Variants in JAZF1 observed in about 807,000 individuals in gnomAD.
JAZF1 encodes the protein JAZF zinc finger 1.
In JAZF1, 8 loss-of-function variants were observed where a neutral mutation model predicts 26.4. The ratio of observed to expected loss-of-function variants is 0.30; its 90% confidence interval spans 0.18 to 0.55. JAZF1 has a LOEUF of 0.55. Ranked by LOEUF, JAZF1 falls within the 20% of genes least tolerant of loss-of-function variation. The pLI is 0.94. For synonymous variants in JAZF1, 126 were observed against 122.3 expected, an observed-to-expected ratio of 1.03 and a Z score of -0.20; for missense variants, 199 against 322.0, an observed-to-expected ratio of 0.62 and a Z score of 2.92.
At chr7:28,024,501 C>T (rs1242851692) in intron 1 of JAZF1, among the ~76,000 whole-genome samples, 3 of 152,142 alleles carry the variant, frequency 2.0e-5, no homozygotes, top group Non-Finnish European at 4.4e-5. Flanking sequence ...TACACACATA[C>T]TCATTTAGAC....
chr7:27,956,125 G>A (rs1785087324), intron 2 of JAZF1, among the ~76,000 whole-genome samples: 1 of 152,194 alleles, frequency 6.6e-6, no homozygotes, highest in Non-Finnish European at 1.5e-5. Flanking sequence ...AAGTCTGTGA[G>A]TAGGGTGTAG....
At chr7:28,031,272 G>C (rs1201892051) in intron 1 of JAZF1, among the ~76,000 whole-genome samples, 2 of 152,136 alleles carry the variant, frequency 1.3e-5, no homozygotes, top group African/African-American at 4.8e-5. Flanking sequence ...GGGAAGAAGG[G>C]GCCAGGAAGT....
At chr7:27,931,622 C>T (rs1784689447) in intron 2 of JAZF1, among the ~76,000 whole-genome samples, 1 of 152,138 alleles carries the variant, frequency 6.6e-6, no homozygotes, top group South Asian at 2.1e-4. Context: ...TTGAGACCAG[C>T]CTGGCCAATA....
intron 2 of JAZF1, among the ~76,000 whole-genome samples, chr7:27,984,686 T>A (rs1044259754): frequency 1.3e-5 from 2 of 152,188 alleles, no homozygotes; most frequent in Non-Finnish European, 2.9e-5. Flanking sequence ...ATTCCAAAAT[T>A]GACCACATAG....
At chr7:28,119,209 T>A (rs1784798421) in intron 1 of JAZF1, among the ~76,000 whole-genome samples, 1 of 152,106 alleles carries the variant, frequency 6.6e-6, no homozygotes, top group Admixed American at 6.5e-5. Flanking sequence ...ACAAACCTGA[T>A]CTCCAGCCCT....
At chr7:28,155,330 C>A (rs1049357141) in intron 1 of JAZF1, among the ~76,000 whole-genome samples, 1 of 152,196 alleles carries the variant, frequency 6.6e-6, no homozygotes. Flanking sequence ...AATAAACTAT[C>A]TTCAGTTACT....
At chr7:27,913,222 T>A (rs1338442611) in intron 2 of JAZF1, among the ~76,000 whole-genome samples, 1 of 149,756 alleles carries the variant, frequency 6.7e-6, no homozygotes, top group Non-Finnish European at 1.5e-5. Flanking sequence ...ATACATTTTT[T>A]ATATATGTAT....
At chr7:27,853,145 G>A (rs1783182024) in intron 3 of JAZF1, among the ~76,000 whole-genome samples, 3 of 152,078 alleles carry the variant, frequency 2.0e-5, no homozygotes, top group African/African-American at 7.2e-5. Context: ...CAGTTTTGGG[G>A]TATCTACTGA....
intron 2 of JAZF1, among the ~76,000 whole-genome samples, chr7:27,913,617 C>T (rs1356358290): frequency 1.3e-5 from 2 of 152,196 alleles, no homozygotes; most frequent in South Asian, 2.1e-4. Context: ...TGCTCTTACC[C>T]TCTATTCCTT....
chr7:27,926,280 C>T (rs1358547887), intron 2 of JAZF1, among the ~76,000 whole-genome samples: 1 of 152,142 alleles, frequency 6.6e-6, no homozygotes, highest in African/African-American at 2.4e-5. Context: ...ATGGTGTGAG[C>T]CATAAATGGA....
Position 27,918,000 on chromosome 7 carries a change from G to A in JAZF1, c.189-22584C>T, listed in dbSNP as rs781413620. 6.6e-5 allele frequency among the ~76,000 whole-genome samples: 10 copies of A among 152,142 alleles called. No homozygotes were observed. In the East Asian group the frequency reaches 9.6e-4, roughly 15 times the overall value. ...GACTTGATTTAGAGAATGCACAAGC[G>A]ATGATGAACTACAGTGGCACTTCCT... is the stretch of plus-strand genomic sequence containing the variant. On this transcript the variant is annotated intron_variant, in intron 2 of 4. Coordinates refer to ENST00000283928, the MANE Select transcript of JAZF1 (RefSeq NM_175061.4).
intron 2 of JAZF1, among the ~76,000 whole-genome samples, chr7:27,942,743 C>T (rs1044030439): frequency 2.6e-5 from 4 of 152,112 alleles, no homozygotes; most frequent in East Asian, 1.9e-4. Context: ...AGGGTGATAC[C>T]GGCCTGAAAA....
chr7:28,097,070 C>T (rs759930025), intron 1 of JAZF1, among the ~76,000 whole-genome samples: 2 of 152,180 alleles, frequency 1.3e-5, no homozygotes, highest in Non-Finnish European at 2.9e-5. Flanking sequence ...TTTTAACTAA[C>T]TCTTTAAAAT....
intron 3 of JAZF1, among the ~76,000 whole-genome samples, chr7:27,873,452 C>T (rs1583441540): frequency 6.6e-6 from 1 of 152,218 alleles, no homozygotes; most frequent in East Asian, 1.9e-4. Context: ...GAACCCAACA[C>T]ACCAGTTCAC....
At chr7:28,131,641 A>G (rs1211577753) in intron 1 of JAZF1, among the ~76,000 whole-genome samples, 1 of 152,190 alleles carries the variant, frequency 6.6e-6, no homozygotes, top group African/African-American at 2.4e-5. Context: ...CATCCAACAA[A>G]TGACCAAAAT....
At chr7:28,059,131 A>C (rs1054103704) in intron 1 of JAZF1, among the ~76,000 whole-genome samples, 5 of 152,330 alleles carry the variant, frequency 3.3e-5, no homozygotes, top group African/African-American at 1.2e-4. Flanking sequence ...TGGTAAATGG[A>C]ACCTGCTAGG....
intron 2 of JAZF1, among the ~76,000 whole-genome samples, chr7:27,901,507 C>T (rs1784159821): frequency 6.6e-6 from 1 of 152,204 alleles, no homozygotes; most frequent in African/African-American, 2.4e-5. Context: ...CACCTCACTC[C>T]ATGGCCAAAA....
At chr7:27,844,383 C>T (rs1442008129) in intron 3 of JAZF1, 1 of 152,226 alleles carries the variant, frequency 6.6e-6, no homozygotes, top group Non-Finnish European at 1.5e-5. Context: ...GCTGCTTCAG[C>T]TGCTATCTCT....
intron 1 of JAZF1, among the ~76,000 whole-genome samples, chr7:28,088,973 CTCA>C (rs1448742950): frequency 2.6e-5 from 4 of 152,184 alleles, no homozygotes; most frequent in Admixed American, 2.6e-4. Context: ...ACTGCGCATA[CTCA>C]TCATATTTCC....
Sources: gnomAD v4.1 joint callset for allele counts (sites outside exome capture counted in the v4.1 genomes callset) on GRCh38, gnomAD v4.1.1 for gene constraint, MANE v1.5 for transcripts, NCBI Gene and HGNC (gene_info 2026-07-23, HGNC 2026-07-21) for gene names.